Variants in FGF14 observed in about 807,000 individuals in gnomAD.
The protein encoded by FGF14 is fibroblast growth factor 14.
FGF14 carries 5 observed loss-of-function variants against 25.5 expected under a neutral mutation model. The observed-to-expected ratio is 0.20, with a 90% CI of 0.10 to 0.41. The LOEUF (loss-of-function observed/expected upper bound fraction) is 0.41. Ranked by LOEUF, FGF14 falls within the 10% of genes least tolerant of loss-of-function variation. The probability of loss-of-function intolerance (pLI) is 1.00; values close to 1 mark genes in which losing one functional copy is unlikely to be tolerated. For synonymous variants in FGF14, 138 were observed against 118.3 expected (o/e 1.17, Z -1.08); for missense variants, 222 against 320.1 (o/e 0.69, Z 2.34).
At chr13:102,285,038 G>GA (rs1432379365) in intron 1 of FGF14, among the ~76,000 whole-genome samples, 1 of 151,888 alleles carries the variant, frequency 6.6e-6, no homozygotes, top group Non-Finnish European at 1.5e-5. Context: ...AAAAAGTACA[G>GA]AAAAAAGAAT....
At chr13:102,233,888 C>T (rs7994152) in intron 1 of FGF14, among the ~76,000 whole-genome samples, 6,268 of 152,240 alleles carry the variant, frequency 0.041, 430 homozygotes, top group African/African-American at 0.14. Flanking sequence ...ATTGGTTTCT[C>T]GTCAAGTTTT....
intron 1 of FGF14, among the ~76,000 whole-genome samples, chr13:102,252,907 A>G (rs2052253909): frequency 6.6e-6 from 1 of 152,122 alleles, no homozygotes; most frequent in Admixed American, 6.5e-5. Flanking sequence ...CTTATGAGTG[A>G]GAACAAGTGA....
chr13:102,244,410 C>T (rs541163954), intron 1 of FGF14, among the ~76,000 whole-genome samples: 4 of 151,268 alleles, frequency 2.6e-5, no homozygotes, highest in South Asian at 2.1e-4. Flanking sequence ...GACCAATTCA[C>T]ACACAAAATT....
intron 3 of FGF14, among the ~76,000 whole-genome samples, chr13:101,841,978 C>T (rs886853987): frequency 4.6e-5 from 7 of 151,908 alleles, no homozygotes; most frequent in African/African-American, 1.5e-4. Context: ...CAGGATATGA[C>T]TCATTTGCAT....
At chr13:102,309,597 A>G (rs2055620067) in intron 1 of FGF14, among the ~76,000 whole-genome samples, 1 of 152,234 alleles carries the variant, frequency 6.6e-6, no homozygotes, top group South Asian at 2.1e-4. Flanking sequence ...AAAAGAACTG[A>G]ATCATGAAAA....
At chr13:102,280,872 T>C (rs2053795580) in intron 1 of FGF14, among the ~76,000 whole-genome samples, 2 of 152,196 alleles carry the variant, frequency 1.3e-5, no homozygotes, top group Admixed American at 1.3e-4. Flanking sequence ...TTGAGCTTCC[T>C]ACAGAATATA....
chr13:102,401,124 G>A (rs911334723), intron 1 of FGF14, among the ~76,000 whole-genome samples: 1 of 151,880 alleles, frequency 6.6e-6, no homozygotes, highest in African/African-American at 2.4e-5. Flanking sequence ...CTTTTTCCTG[G>A]CAACTACCGA....
chr13:102,119,657 C>T (rs2045628703), intron 1 of FGF14, among the ~76,000 whole-genome samples: 1 of 152,050 alleles, frequency 6.6e-6, no homozygotes, highest in South Asian at 2.1e-4. Flanking sequence ...TATATATATT[C>T]TATATTCACG....
intron 1 of FGF14, chr13:102,002,355 T>C (rs1185632940): frequency 6.6e-6 from 1 of 152,614 alleles, no homozygotes; most frequent in Non-Finnish European, 1.5e-5. Context: ...CTGTTATAAA[T>C]GATAGGCACC....
chr13:102,139,907 T>G (rs535732542), intron 1 of FGF14, among the ~76,000 whole-genome samples: 1 of 152,176 alleles, frequency 6.6e-6, no homozygotes, highest in Non-Finnish European at 1.5e-5. Context: ...GTGCCTGATA[T>G]ACCAGATATT....
chr13:102,359,491 C>T (rs1265972461), intron 1 of FGF14, among the ~76,000 whole-genome samples: 1 of 152,160 alleles, frequency 6.6e-6, no homozygotes, highest in African/African-American at 2.4e-5. Flanking sequence ...AATTCCCATA[C>T]ATCTTGCTAG....
intron 1 of FGF14, among the ~76,000 whole-genome samples, chr13:101,945,543 G>A (rs1489534373): frequency 6.6e-6 from 1 of 152,160 alleles, no homozygotes; most frequent in African/African-American, 2.4e-5. Context: ...CGTGGCAAGA[G>A]GCTGAACCTC....
At chr13:102,281,636 G>A (rs1315633175) in intron 1 of FGF14, among the ~76,000 whole-genome samples, 1 of 150,892 alleles carries the variant, frequency 6.6e-6, no homozygotes, top group African/African-American at 2.4e-5. Flanking sequence ...CCTCACCTTG[G>A]AATCTTTGAC....
At chr13:102,371,684 CG>C (rs1311415858) in intron 1 of FGF14, among the ~76,000 whole-genome samples, 2 of 151,718 alleles carry the variant, frequency 1.3e-5, no homozygotes, top group Non-Finnish European at 2.9e-5. Flanking sequence ...CATAGAAGAT[CG>C]ATGTGCCAAG....
chr13:102,122,434 G>A (rs1023168693), intron 1 of FGF14, among the ~76,000 whole-genome samples: 2 of 152,094 alleles, frequency 1.3e-5, no homozygotes, highest in Non-Finnish European at 2.9e-5. Context: ...TAGCCCATAT[G>A]TGCCCACAAA....
chr13:101,854,244 T>C (rs577935422), intron 3 of FGF14, among the ~76,000 whole-genome samples: 1 of 152,276 alleles, frequency 6.6e-6, no homozygotes, highest in Non-Finnish European at 1.5e-5. Context: ...TATGCATAAT[T>C]ATAAATGCTT....
chr13:102,206,262 C>T (rs2049919195), intron 1 of FGF14, among the ~76,000 whole-genome samples: 1 of 152,016 alleles, frequency 6.6e-6, no homozygotes, highest in Non-Finnish European at 1.5e-5. Context: ...TTCTGTGAAG[C>T]TCCCACATCC....
chr13:101,886,883 G>A (rs2046014975), intron 1 of FGF14, among the ~76,000 whole-genome samples: 1 of 152,034 alleles, frequency 6.6e-6, no homozygotes, highest in African/African-American at 2.4e-5. Flanking sequence ...AATGGACAAA[G>A]ATCTGAATAG....
intron 3 of FGF14, among the ~76,000 whole-genome samples, chr13:101,834,855 G>T (rs2042846099): frequency 6.6e-6 from 1 of 152,028 alleles, no homozygotes; most frequent in Non-Finnish European, 1.5e-5. Context: ...AAGTATTCTG[G>T]TTAAGATGTT....
Sources: allele counts gnomAD v4.1 joint callset (sites outside exome capture counted in the v4.1 genomes callset), GRCh38; gene constraint gnomAD v4.1.1; transcripts MANE v1.5; gene names NCBI Gene and HGNC (gene_info 2026-07-23, HGNC 2026-07-21).